ESR1: variants seen among roughly 807,000 people sequenced by gnomAD.
ESR1 encodes the protein estrogen receptor.
Under a neutral mutation model 52.7 loss-of-function variants are expected in ESR1, and 12 were observed. That is an observed-to-expected ratio of 0.23 (90% CI 0.15 to 0.37). The LOEUF (loss-of-function observed/expected upper bound fraction) is 0.37. Among genes scored for constraint, ESR1 ranks in the 10% least tolerant of loss-of-function variants. The pLI is 1.00. For synonymous variants in ESR1, 305 were observed against 316.8 expected (o/e 0.96, Z 0.39); for missense variants, 584 against 779.7 (o/e 0.75, Z 2.99).
At chr6:152,042,976 A>G (rs74884825) in intron 5 of ESR1, among the ~76,000 whole-genome samples, 66 of 152,282 alleles carry the variant, frequency 4.3e-4, no homozygotes, top group African/African-American at 1.6e-3. Context: ...GGTTCCCACT[A>G]TAATATCTAG....
At chr6:151,743,253 T>C (rs1283713024) in intron 2 of ESR1, among the ~76,000 whole-genome samples, 1 of 152,102 alleles carries the variant, frequency 6.6e-6, no homozygotes, top group Non-Finnish European at 1.5e-5. Flanking sequence ...ATGTAGGGCT[T>C]GGGCATGGGG....
intron 2 of ESR1, among the ~76,000 whole-genome samples, chr6:151,770,818 T>C (rs189527171): frequency 1.1e-3 from 168 of 152,240 alleles, no homozygotes; most frequent in African/African-American, 3.9e-3. Flanking sequence ...TTTCTAGAAA[T>C]CTACCTAATC....
chr6:151,842,555 G>A (rs1248744793), intron 1 of ESR1, 42 bp from the exon 2 acceptor site: 2 of 1,567,486 alleles, frequency 1.3e-6, no homozygotes, highest in Admixed American at 1.8e-5. Flanking sequence ...TGCATGTTTT[G>A]CTTTTCTAAT....
intron 5 of ESR1, among the ~76,000 whole-genome samples, chr6:152,012,446 G>T (rs1487831348): frequency 6.6e-6 from 1 of 151,752 alleles, no homozygotes; most frequent in Non-Finnish European, 1.5e-5. Context: ...CAGCTGTGAT[G>T]CTAAACACTT....
chr6:151,936,390 C>A (rs76347423), intron 3 of ESR1, among the ~76,000 whole-genome samples: 2 of 152,110 alleles, frequency 1.3e-5, no homozygotes, highest in African/African-American at 2.4e-5. Context: ...TCCCCACCCT[C>A]TAATTTTTCT....
chr6:151,895,035 A>G (rs1192995986), intron 3 of ESR1, among the ~76,000 whole-genome samples: 1 of 150,398 alleles, frequency 6.6e-6, no homozygotes, highest in East Asian at 2.0e-4. Context: ...ATGTGTTTCC[A>G]TTTGTTTGTG....
chr6:152,098,626 GC>G lies in ESR1; in HGVS notation c.1554-105del. 1 of 905,426 alleles carries G rather than the reference GC, an allele frequency of 1.1e-6. No homozygotes were observed. 56.1% of individuals were successfully genotyped at this position (905,426 alleles called of 1,614,324 possible). On this transcript the variant is annotated intron_variant, in intron 7 of 7. Coordinates refer to ENST00000206249, the MANE Select transcript of ESR1 (RefSeq NM_000125.4). This position sits in a 1 kb window ranked among gnomAD's most constrained non-coding sequence, Gnocchi z 5.1. ...CTTTAAACAGGAAGAAAGAAAGATT[GC>G]TAAGTGTCTTTGGAGTTCCTCTTCC...
chr6:152,119,998 T>C (rs1304225687), intron 6 of ESR1, among the ~76,000 whole-genome samples: 1 of 152,138 alleles, frequency 6.6e-6, no homozygotes, highest in African/African-American at 2.4e-5. Flanking sequence ...CCTTTGGGGG[T>C]TTCACAGGGT....
chr6:151,997,136 G>A (rs572904256), intron 4 of ESR1, among the ~76,000 whole-genome samples: 14 of 150,238 alleles, frequency 9.3e-5, no homozygotes, highest in Admixed American at 3.9e-4. Flanking sequence ...GCATCTTACC[G>A]TTCATTGCTT....
At chr6:151,873,701 G>A (rs1791356765) in intron 2 of ESR1, among the ~76,000 whole-genome samples, 1 of 152,232 alleles carries the variant, frequency 6.6e-6, no homozygotes, top group Middle Eastern at 3.4e-3. Flanking sequence ...TTTTCCTTTG[G>A]CCAAATATGT....
intron 2 of ESR1, among the ~76,000 whole-genome samples, chr6:151,857,739 T>C (rs996676947): frequency 4.6e-5 from 7 of 151,862 alleles, no homozygotes; most frequent in African/African-American, 1.2e-4. Flanking sequence ...ATGTTGGCCA[T>C]GCTAGTCTCG....
chr6:151,775,757 A>AAG (rs1785929524), intron 2 of ESR1, among the ~76,000 whole-genome samples: 1 of 152,074 alleles, frequency 6.6e-6, no homozygotes, highest in Non-Finnish European at 1.5e-5. Context: ...AAAAAAAAAA[A>AAG]AAAAATCCAA....
At chr6:151,805,560 C>G (rs1777712008), upstream of ESR1, 1 of 152,780 alleles carries the variant, frequency 6.5e-6, no homozygotes, top group African/African-American at 2.4e-5. Context: ...TCCCCTCACT[C>G]CCCACTGCCA....
chr6:152,091,066 A>G (rs35701581), intron 6 of ESR1, among the ~76,000 whole-genome samples: 1 of 152,220 alleles, frequency 6.6e-6, no homozygotes, highest in African/African-American at 2.4e-5. Flanking sequence ...CACTTGCTCT[A>G]TGCTGCTGGG....
At chr6:152,058,365 A>G (rs2047275324) in intron 5 of ESR1, among the ~76,000 whole-genome samples, 1 of 152,180 alleles carries the variant, frequency 6.6e-6, no homozygotes, top group African/African-American at 2.4e-5. Context: ...TAGAGCTTCC[A>G]TGCATCCAGA....
chr6:151,972,721 G>C (rs2039035827), intron 4 of ESR1, among the ~76,000 whole-genome samples: 1 of 152,114 alleles, frequency 6.6e-6, no homozygotes, highest in Admixed American at 6.6e-5. Flanking sequence ...ATATATAAAG[G>C]GGAGTTTATT....
chr6:152,103,080 T>C lies in ESR1; in HGVS notation c.*4114T>C. The C allele has an allele frequency of 4.5e-6, 1 of 221,002 alleles. No individual in the cohort carries two copies. 13.7% of individuals were successfully genotyped at this position (221,002 alleles called of 1,614,324 possible). A position where few individuals can be genotyped will look rare whatever the true frequency, so the allele number is the denominator to read the frequency against. The stretch of plus-strand genomic sequence containing the variant: ...AAAAGGCTCAAATGCCAAATTGTGT[T>C]TGATGGATTAATATGCCCTTTTGCC... On this transcript the variant is annotated 3_prime_UTR_variant, in exon 8 of 8. Coordinates refer to ENST00000206249, the MANE Select transcript of ESR1 (RefSeq NM_000125.4).
intron 4 of ESR1, among the ~76,000 whole-genome samples, chr6:151,964,228 G>A (rs2037999425): frequency 6.6e-6 from 1 of 152,114 alleles, no homozygotes; most frequent in South Asian, 2.1e-4. Context: ...AAATTTGATA[G>A]GAAGTGCATT....
At chr6:152,095,099 G>A (rs2050502151) in intron 7 of ESR1, among the ~76,000 whole-genome samples, 1 of 152,120 alleles carries the variant, frequency 6.6e-6, no homozygotes, top group Admixed American at 6.5e-5. Context: ...GCCAGTCACT[G>A]GATGTGTATC....
Sources: allele counts gnomAD v4.1 joint callset (sites outside exome capture counted in the v4.1 genomes callset), GRCh38; gene constraint gnomAD v4.1.1; non-coding constraint Gnocchi (gnomAD v3.1); transcripts MANE v1.5; gene names NCBI Gene and HGNC (gene_info 2026-07-23, HGNC 2026-07-21).